The following ABCG5 variants were observed in gnomAD, a reference collection of about 807,000 sequenced individuals.
ABCG5 encodes the protein ATP binding cassette subfamily G member 5.
In ABCG5, 64 loss-of-function variants were observed where a neutral mutation model predicts 64.5. The observed-to-expected ratio is 0.99, with a 90% CI of 0.81 to 1.22. The LOEUF (loss-of-function observed/expected upper bound fraction) is 1.22. Among genes scored for constraint, ABCG5 ranks in the 50% most tolerant of loss-of-function variants. The pLI, the probability that ABCG5 is intolerant of heterozygous loss-of-function variation, is 0.00. For synonymous variants in ABCG5, 385 were observed against 326.3 expected, an observed-to-expected ratio of 1.18 and a Z score of -1.94; for missense variants, 908 against 829.5, an observed-to-expected ratio of 1.09 and a Z score of -1.16.
intron 4 of ABCG5, among the ~76,000 whole-genome samples, chr2:43,830,431 A>G (rs3923912): frequency 1.3e-5 from 2 of 152,204 alleles, no homozygotes; most frequent in Admixed American, 6.5e-5. Context: ...GCCAGGATTG[A>G]GAGGACTCTC....
chr2:43,833,294 C>T (rs1668062130), intron 2 of ABCG5, among the ~76,000 whole-genome samples: 1 of 152,000 alleles, frequency 6.6e-6, no homozygotes, highest in African/African-American at 2.4e-5. Flanking sequence ...TCTGAACTAT[C>T]TGGGAAGATA....
chr2:43,809,853 G>A, downstream of ABCG5: 1 of 1,508,154 alleles, frequency 6.6e-7, no homozygotes, highest in Non-Finnish European at 8.8e-7. Flanking sequence ...GGCAATATGT[G>A]AAGAAAGTTA....
intron 4 of ABCG5, among the ~76,000 whole-genome samples, chr2:43,830,518 T>G (rs970496354): frequency 3.9e-5 from 6 of 152,260 alleles, no homozygotes; most frequent in African/African-American, 1.2e-4. Flanking sequence ...ACATTGGCCT[T>G]GCTTTATTTC....
Position 43,838,025 on chromosome 2 carries a change from C to T in ABCG5, c.144-70G>A. The T allele has an allele frequency of 6.2e-7, 1 of 1,605,448 alleles. No homozygotes were observed. Among genetic ancestry groups the T allele is most frequent in the East Asian group, 2.2e-5 (1 of 44,626 alleles). On this transcript the variant is annotated intron_variant, in intron 1 of 12. Coordinates refer to ENST00000405322, the MANE Select transcript of ABCG5 (RefSeq NM_022436.3). This position sits in a 1 kb window ranked among gnomAD's most constrained non-coding sequence, Gnocchi z 4.2. The stretch of plus-strand genomic sequence containing the variant: ...GAAGGGGCCACACCCAGGTCCCCAG[C>T]ATTGATCCTACCTGTGCCCCACCCC...
chr2:43,839,007 C>T (rs1310617888), upstream of ABCG5: 1 of 1,538,298 alleles, frequency 6.5e-7, no homozygotes. Context: ...CAGGCAGCAG[C>T]TGGGTCTAAG....
chr2:43,839,208 C>A, upstream of ABCG5: 1 of 1,351,404 alleles, frequency 7.4e-7, no homozygotes, highest in Non-Finnish European at 1.0e-6. Context: ...TCTGTCCTAG[C>A]ACCACCCGGA....
In ABCG5 at chr2:43,831,959, G is replaced by A. The variant is rs1166604003; in HGVS notation, c.390C>T (p.Ser130=). Residue 130 remains serine (S), a synonymous_variant, in exon 3 of 13, where the codon TCC becomes TCT. Coordinates refer to ENST00000405322, the MANE Select transcript of ABCG5 (RefSeq NM_022436.3). ...LRREQFQDCF[S]YVLQSDTLLS... ...GGGACGCGCCCACCTGCAGGACGTA[G>A]GAGAAGCAGTCCTGGAACTGCTCCC... 3.2e-6 allele frequency: 5 copies of A among 1,550,440 alleles called. No individual in the cohort carries two copies. Among genetic ancestry groups the A allele is most frequent in the Non-Finnish European group, 4.4e-6 (5 of 1,147,104 alleles).
intron 10 of ABCG5, among the ~76,000 whole-genome samples, chr2:43,821,009 T>C (rs1193750804): frequency 6.6e-6 from 1 of 152,198 alleles, no homozygotes; most frequent in East Asian, 1.9e-4. Flanking sequence ...TTTCCTCTTA[T>C]ATTCCTTTCT....
At chr2:43,813,718 T>TCG (rs1318958225) in intron 12 of ABCG5, among the ~76,000 whole-genome samples, 1 of 125,154 alleles carries the variant, frequency 8.0e-6, no homozygotes, top group Non-Finnish European at 1.7e-5. Context: ...CGTTTTTTTT[T>TCG]TTTTTTTTTT....
Position 43,812,708 on chromosome 2 carries a change from G to T in ABCG5, c.*408C>A. ...TCTAAACCCACAACTCTCTTTCTCTGTCACTTATGGTCAGGAATCCTTGAA... is the reference window on the plus strand; with the variant it reads ...TCTAAACCCACAACTCTCTTTCTCTTTCACTTATGGTCAGGAATCCTTGAA... On this transcript the variant is annotated 3_prime_UTR_variant, in exon 13 of 13. Transcript: ENST00000405322. The T allele has an allele frequency of 5.0e-6, 1 of 198,776 alleles. No homozygotes were observed. The allele number at this position is 198,776 out of a possible 1,614,324, so 12.3% of individuals were successfully genotyped here.
intron 10 of ABCG5, 198 bp downstream of exon 10, chr2:43,822,599 G>C (rs186297840): frequency 7.1e-6 from 7 of 985,078 alleles, no homozygotes; most frequent in Non-Finnish European, 8.4e-6. Flanking sequence ...TTTGTTCTCA[G>C]GTCTCCTGCA....
intron 12 of ABCG5, 96 bp from the exon 13 acceptor site, chr2:43,813,405 A>G: frequency 1.2e-6 from 1 of 847,306 alleles, no homozygotes; most frequent in Non-Finnish European, 2.0e-6. Flanking sequence ...CCCTTAATGA[A>G]AAATACAGGA....
chr2:43,813,556 C>T (rs1000953240), intron 12 of ABCG5, among the ~76,000 whole-genome samples: 5 of 152,082 alleles, frequency 3.3e-5, no homozygotes, highest in Non-Finnish European at 2.9e-5. Context: ...AAATCATGAT[C>T]CCTTAGCACA....
intron 2 of ABCG5, among the ~76,000 whole-genome samples, chr2:43,834,846 G>C (rs1168677992): frequency 6.6e-6 from 1 of 152,234 alleles, no homozygotes; most frequent in African/African-American, 2.4e-5. Context: ...GCTTGCTTTA[G>C]ACTATACTCT....
At chr2:43,815,827 C>T (rs571073831) in intron 11 of ABCG5, among the ~76,000 whole-genome samples, 5 of 146,574 alleles carry the variant, frequency 3.4e-5, no homozygotes, top group African/African-American at 1.3e-4. Context: ...AGACAGGTCA[C>T]GTTGAAATCA....
chr2:43,824,479 T>C (rs957544603), intron 7 of ABCG5, 47 bp from the exon 8 acceptor site: 6 of 1,605,480 alleles, frequency 3.7e-6, no homozygotes, highest in Non-Finnish European at 5.1e-6. Context: ...TTTAAATGCA[T>C]GTATGTACAT....
chr2:43,820,980 C>T (rs893635304), intron 10 of ABCG5, among the ~76,000 whole-genome samples: 9 of 152,030 alleles, frequency 5.9e-5, no homozygotes, highest in Non-Finnish European at 8.8e-5. Flanking sequence ...GTAAACAAAC[C>T]ACCCTATATC....
intron 11 of ABCG5, among the ~76,000 whole-genome samples, chr2:43,819,714 C>G (rs1310614811): frequency 6.6e-6 from 1 of 151,782 alleles, no homozygotes; most frequent in South Asian, 2.1e-4. Context: ...TCCTGATTCC[C>G]GATAAAAAAG....
At chr2:43,820,322 T>TA (rs1032168519) in intron 10 of ABCG5, among the ~76,000 whole-genome samples, 1 of 152,200 alleles carries the variant, frequency 6.6e-6, no homozygotes, top group African/African-American at 2.4e-5. Context: ...GAGCCACCTT[T>TA]TCCCTTTCAC....
Sources: gnomAD v4.1 joint callset for allele counts (sites outside exome capture counted in the v4.1 genomes callset) on GRCh38, gnomAD v4.1.1 for gene constraint, Gnocchi (gnomAD v3.1) non-coding constraint, MANE v1.5 for transcripts, NCBI Gene and HGNC (gene_info 2026-07-23, HGNC 2026-07-21) for gene names.